The following ARID2 variants were observed in gnomAD, a reference collection of about 807,000 sequenced individuals.
The protein encoded by ARID2 is AT-rich interaction domain 2.
ARID2 carries 32 observed loss-of-function variants against 184.6 expected under a neutral mutation model. The ratio of observed to expected loss-of-function variants is 0.17; its 90% CI spans 0.13 to 0.23. ARID2 has a LOEUF of 0.23. Ranked by LOEUF, ARID2 falls within the 10% of genes least tolerant of loss-of-function variation. The probability of loss-of-function intolerance (pLI) is 1.00; values close to 1 mark genes in which losing one functional copy is unlikely to be tolerated. For synonymous variants in ARID2, 836 were observed against 772.6 expected (o/e 1.08, Z -1.36); for missense variants, 1,696 against 2,197.6 (o/e 0.77, Z 4.56).
In ARID2 at chr12:45,730,226, G is replaced by T. The variant is rs1358902566; in HGVS notation, c.186+89G>T. The T allele has an allele frequency of 1.5e-5, 20 of 1,323,760 alleles. No individual in the cohort carries two copies. In the Admixed American group the frequency reaches 2.7e-4, roughly 18 times the overall value. 82.0% of individuals were successfully genotyped at this position (1,323,760 alleles called of 1,614,324 possible). The stretch of plus-strand genomic sequence containing the variant: ...CCCGGAGTGGGCGCTTGGGGCTGGG[G>T]GGGTGGCCCGCGGGGGCAAAAGGCG... On this transcript the variant is annotated intron_variant, in intron 2 of 20. Coordinates refer to ENST00000334344, the MANE Select transcript of ARID2 (RefSeq NM_152641.4).
chr12:45,857,384 G>A (rs1238437124), intron 15 of ARID2, among the ~76,000 whole-genome samples: 1 of 152,150 alleles, frequency 6.6e-6, no homozygotes, highest in Non-Finnish European at 1.5e-5. Flanking sequence ...AGAGCCACAA[G>A]AATATCACTT....
At chr12:45,759,486 G>A (rs1941633877) in intron 3 of ARID2, among the ~76,000 whole-genome samples, 1 of 152,098 alleles carries the variant, frequency 6.6e-6, no homozygotes, top group Non-Finnish European at 1.5e-5. Context: ...CACTTAAATT[G>A]CAATATGATC....
At chr12:45,857,205 C>T (rs892746758) in intron 15 of ARID2, among the ~76,000 whole-genome samples, 1 of 152,048 alleles carries the variant, frequency 6.6e-6, no homozygotes, top group Non-Finnish European at 1.5e-5. Flanking sequence ...ACATATGCCT[C>T]GCCTCAATTC....
intron 16 of ARID2, among the ~76,000 whole-genome samples, chr12:45,888,550 A>C (rs1183537818): frequency 6.6e-6 from 1 of 152,216 alleles, no homozygotes; most frequent in East Asian, 1.9e-4. Flanking sequence ...CAAGATGGGC[A>C]GGTGAAGAGA....
intron 3 of ARID2, among the ~76,000 whole-genome samples, chr12:45,798,574 A>G (rs2408435): frequency 5.3e-5 from 8 of 151,954 alleles, no homozygotes; most frequent in Non-Finnish European, 1.2e-4. Context: ...TTTAGGATTT[A>G]TAGTTTAAGC....
intron 3 of ARID2, among the ~76,000 whole-genome samples, chr12:45,733,843 T>G (rs1408750219): frequency 6.6e-6 from 1 of 152,224 alleles, no homozygotes; most frequent in East Asian, 1.9e-4. Flanking sequence ...CTTAATTTTC[T>G]CAAATATACA....
Position 45,763,428 on chromosome 12 carries a change from C to T in ARID2, c.284+32114C>T, listed in dbSNP as rs540074213. On this transcript the variant is annotated intron_variant, in intron 3 of 20. Coordinates refer to ENST00000334344, the MANE Select transcript of ARID2 (RefSeq NM_152641.4). Reference sequence around the variant, plus strand: ...GAGGTTGCAGTGAGCCAAGACCGCTCCATTCCATTCCAGCCCAGGTGACAA... The same window carrying T: ...GAGGTTGCAGTGAGCCAAGACCGCTTCATTCCATTCCAGCCCAGGTGACAA... 1.8e-4 allele frequency among the ~76,000 whole-genome samples: 27 copies of T among 151,948 alleles called. No homozygotes were observed. The East Asian group carries it at 4.4e-3, about 25-fold the overall frequency.
At chr12:45,861,867 C>G (rs1943755560) in intron 16 of ARID2, among the ~76,000 whole-genome samples, 1 of 152,072 alleles carries the variant, frequency 6.6e-6, no homozygotes, top group Non-Finnish European at 1.5e-5. Flanking sequence ...GCTACTAAGC[C>G]CTGCCAGCAT....
chr12:45,743,998 AT>A (rs554183334), intron 3 of ARID2, among the ~76,000 whole-genome samples: 2,974 of 149,476 alleles, frequency 0.02, 35 homozygotes, highest in South Asian at 0.034. Flanking sequence ...TTTATGATTG[AT>A]TTTTTTTTCT....
chr12:45,770,149 A>C (rs1941841908), intron 3 of ARID2, among the ~76,000 whole-genome samples: 1 of 151,974 alleles, frequency 6.6e-6, no homozygotes, highest in Admixed American at 6.6e-5. Flanking sequence ...GCTACCCGGG[A>C]GGCTGAGGCA....
chr12:45,790,255 T>G (rs1942271233), intron 3 of ARID2, among the ~76,000 whole-genome samples: 1 of 152,176 alleles, frequency 6.6e-6, no homozygotes, highest in Non-Finnish European at 1.5e-5. Flanking sequence ...AAATACCTTA[T>G]GTTTTAGTTT....
At chr12:45,760,791 ATTT>A (rs371023860) in intron 3 of ARID2, among the ~76,000 whole-genome samples, 34 of 146,872 alleles carry the variant, frequency 2.3e-4, no homozygotes, top group South Asian at 2.2e-3. Context: ...TTGTTTCTTT[ATTT>A]TTTTCAGCTT....
At chr12:45,814,222 G>A (rs1279956372) in intron 4 of ARID2, among the ~76,000 whole-genome samples, 1 of 152,108 alleles carries the variant, frequency 6.6e-6, no homozygotes, top group Non-Finnish European at 1.5e-5. Flanking sequence ...ATATATTGTA[G>A]AATTTCTACA....
chr12:45,799,437 T>G (rs1942453619), intron 3 of ARID2, among the ~76,000 whole-genome samples: 1 of 152,210 alleles, frequency 6.6e-6, no homozygotes, highest in South Asian at 2.1e-4. Flanking sequence ...TAAAATCCCA[T>G]CTGTCAGTGG....
At chr12:45,895,597 C>T (rs372799492) in intron 20 of ARID2, among the ~76,000 whole-genome samples, 4 of 152,184 alleles carry the variant, frequency 2.6e-5, no homozygotes, top group South Asian at 2.1e-4. Context: ...TGCAGTGGCA[C>T]GATCTCGGCT....
Position 45,817,818 on chromosome 12 carries a change from C to T in ARID2, c.567C>T (p.His189=), listed in dbSNP as rs1298719413. The T allele has an allele frequency of 9.3e-6, 15 of 1,613,228 alleles. No homozygotes were observed. Among genetic ancestry groups the T allele is most frequent in the East Asian group, 2.2e-5 (1 of 44,800 alleles). The change falls in exon 5 of 21, where the codon CAC becomes CAT. Residue 189 remains histidine, a synonymous_variant. Coordinates refer to ENST00000334344, the MANE Select transcript of ARID2 (RefSeq NM_152641.4). ...VCTLLSNESK[H]VMQLEKDPKI... is the part of the protein sequence containing the mutation. ...CTCTCCTATCAAATGAAAGCAAGCA[C>T]GTCATGCAACTTGAAAAAGATCCTA...
Position 45,895,565 on chromosome 12 carries a change from C to T in ARID2, c.5363+1844C>T, listed in dbSNP as rs565303581. Among the ~76,000 whole-genome samples the T allele has an allele frequency of 2.6e-3, 397 of 152,300 alleles. 2 individuals are homozygous for T. Among genetic ancestry groups the T allele is most frequent in the Non-Finnish European group, 1.5e-3 (103 of 68,024 alleles). ...TCTGGAATTTTTTGAGACAGAGTCT[C>T]GCTCTATCGCCCAGGCTGGAGTGCA... On this transcript the variant is annotated intron_variant, in intron 20 of 20. Coordinates refer to ENST00000334344, the MANE Select transcript of ARID2 (RefSeq NM_152641.4).
intron 3 of ARID2, among the ~76,000 whole-genome samples, chr12:45,785,995 A>G (rs531774492): frequency 4.3e-4 from 66 of 152,160 alleles, no homozygotes; most frequent in Non-Finnish European, 8.4e-4. Context: ...GGGACTGCTG[A>G]TGTAGGCTAT....
rs142447244 is a variant in ARID2 at position 45,866,250 on chromosome 12, G to A, written c.4922+5301G>A. ...TTTTATTGCACTGTCTTTGTTATCT[G>A]CATTGGTAAATAGAACTGCTCGTCC... On this transcript the variant is annotated intron_variant, in intron 16 of 20. Coordinates refer to ENST00000334344, the MANE Select transcript of ARID2 (RefSeq NM_152641.4). Among the ~76,000 whole-genome samples the A allele has an allele frequency of 7.1e-3, 1,072 of 151,990 alleles. 10 individuals are homozygous for A. The highest frequency in any genetic ancestry group is 0.024 in the African/African-American group (1,013 of 41,464).
Sources: gnomAD v4.1 joint callset for allele counts (sites outside exome capture counted in the v4.1 genomes callset) on GRCh38, gnomAD v4.1.1 for gene constraint, MANE v1.5 for transcripts, NCBI Gene and HGNC (gene_info 2026-07-23, HGNC 2026-07-21) for gene names.